TAFA5: variants seen among roughly 807,000 people sequenced by gnomAD.
The protein encoded by TAFA5 is TAFA chemokine like family member 5, also known as chemokine-like protein TAFA-5.
A neutral mutation model predicts 15.3 loss-of-function variants in TAFA5; 6 were observed. That is an observed-to-expected ratio of 0.39 (90% CI 0.21 to 0.77). The LOEUF is 0.77. Ranked by LOEUF, TAFA5 falls within the 30% of genes least tolerant of loss-of-function variation. The probability of loss-of-function intolerance (pLI) is 0.41; values close to 1 mark genes in which losing one functional copy is unlikely to be tolerated. For synonymous variants in TAFA5, 103 were observed against 80.7 expected (o/e 1.28, Z -1.48); for missense variants, 161 against 193.1 (o/e 0.83, Z 0.98).
intron 1 of TAFA5, among the ~76,000 whole-genome samples, chr22:48,619,933 G>A (rs528633320): frequency 3.9e-5 from 6 of 152,236 alleles, no homozygotes; most frequent in African/African-American, 1.4e-4. Flanking sequence ...GCTGAGTCCC[G>A]CGGGCCTGGG....
chr22:48,634,676 CTCAGTCAA>C (rs1271937683), intron 1 of TAFA5, among the ~76,000 whole-genome samples: 2 of 152,004 alleles, frequency 1.3e-5, no homozygotes, highest in Non-Finnish European at 2.9e-5. Context: ...CACTGAGTCA[CTCAGTCAA>C]TCACTCAGTC....
chr22:48,697,608 G>GTGATGATGATGGTGA (rs58645344), intron 2 of TAFA5, among the ~76,000 whole-genome samples: 26 of 137,264 alleles, frequency 1.9e-4, no homozygotes. Flanking sequence ...GATGGTGGTG[G>GTGATGATGATGGTGA]TGATGATGGT....
chr22:48,707,970 C>T, intron 3 of TAFA5, 126 bp downstream of exon 3: 1 of 1,290,822 alleles, frequency 7.7e-7, no homozygotes, highest in South Asian at 1.4e-5. Context: ...GCAGAGAGGC[C>T]AGGGCCCTGT....
At chr22:48,579,549 G>A (rs904666500) in intron 1 of TAFA5, among the ~76,000 whole-genome samples, 11 of 152,246 alleles carry the variant, frequency 7.2e-5, no homozygotes, top group African/African-American at 2.4e-4. Flanking sequence ...TCACGGAGAC[G>A]CGAGAGGGAA....
At chr22:48,496,876 G>C (rs138641239) in intron 1 of TAFA5, among the ~76,000 whole-genome samples, 175 of 152,304 alleles carry the variant, frequency 1.1e-3, no homozygotes, top group African/African-American at 3.9e-3. Context: ...AATGAATATA[G>C]GAAAGAAAAT....
chr22:48,508,859 C>T (rs1285206995), intron 1 of TAFA5, among the ~76,000 whole-genome samples: 1 of 152,128 alleles, frequency 6.6e-6, no homozygotes, highest in East Asian at 1.9e-4. Flanking sequence ...TTAACATCTG[C>T]AGTATATTAC....
chr22:48,538,711 C>G (rs1289949623), intron 1 of TAFA5, among the ~76,000 whole-genome samples: 2 of 152,190 alleles, frequency 1.3e-5, no homozygotes, highest in Admixed American at 1.3e-4. Flanking sequence ...CGTGGGAAAT[C>G]GCAGGACACC....
intron 1 of TAFA5, among the ~76,000 whole-genome samples, chr22:48,646,304 C>G (rs41280561): frequency 6.6e-6 from 1 of 152,136 alleles, no homozygotes; most frequent in South Asian, 2.1e-4. Context: ...CATTTCCGGG[C>G]GTGATAAAGA....
At chr22:48,493,306 A>G (rs1015049268) in intron 1 of TAFA5, among the ~76,000 whole-genome samples, 5 of 152,250 alleles carry the variant, frequency 3.3e-5, no homozygotes, top group Non-Finnish European at 5.9e-5. Flanking sequence ...AAATTTCCAA[A>G]TAAATCCCGT....
chr22:48,519,525 G>T (rs992282697), intron 1 of TAFA5, among the ~76,000 whole-genome samples: 5 of 152,170 alleles, frequency 3.3e-5, no homozygotes, highest in African/African-American at 9.7e-5. Context: ...GTGAAGGGGG[G>T]GATGCCCTCC....
intron 1 of TAFA5, among the ~76,000 whole-genome samples, chr22:48,571,945 T>C (rs1411943098): frequency 6.6e-6 from 1 of 152,168 alleles, no homozygotes. Flanking sequence ...CCCTAGACCT[T>C]AAAATGGTCC....
intron 1 of TAFA5, among the ~76,000 whole-genome samples, chr22:48,585,994 C>T (rs533744416): frequency 4.6e-5 from 7 of 152,360 alleles, no homozygotes; most frequent in African/African-American, 9.6e-5. Context: ...CCCAGCCTGG[C>T]GTTCTGGAGG....
intron 1 of TAFA5, among the ~76,000 whole-genome samples, chr22:48,553,316 T>C (rs982540271): frequency 1.3e-5 from 2 of 152,140 alleles, no homozygotes; most frequent in African/African-American, 4.8e-5. Flanking sequence ...GTGCCCTCCA[T>C]GTGCCCCCAC....
intron 3 of TAFA5, among the ~76,000 whole-genome samples, chr22:48,744,523 GC>G (rs1237559460): frequency 6.6e-6 from 1 of 152,168 alleles, no homozygotes; most frequent in Admixed American, 6.5e-5. Flanking sequence ...AAGTTGTAGA[GC>G]CCCCACTGAT....
intron 2 of TAFA5, among the ~76,000 whole-genome samples, chr22:48,666,982 T>C (rs1927638581): frequency 6.6e-6 from 1 of 151,986 alleles, no homozygotes; most frequent in South Asian, 2.1e-4. Flanking sequence ...GCTGCATAGG[T>C]GATTTCCAGA....
chr22:48,589,984 G>A (rs1347231319), intron 1 of TAFA5, among the ~76,000 whole-genome samples: 2 of 95,644 alleles, frequency 2.1e-5, no homozygotes, highest in East Asian at 3.6e-4. Flanking sequence ...GATTGCAGCC[G>A]ACGTGTGTGT....
At chr22:48,698,775 G>A (rs1185069494) in intron 2 of TAFA5, among the ~76,000 whole-genome samples, 7 of 56,764 alleles carry the variant, frequency 1.2e-4, no homozygotes, top group African/African-American at 2.0e-4. Flanking sequence ...GGTGCAGCCC[G>A]TCTGGGCTCT....
chr22:48,526,575 G>C (rs1195160341), intron 1 of TAFA5, among the ~76,000 whole-genome samples: 1 of 152,248 alleles, frequency 6.6e-6, no homozygotes, highest in Non-Finnish European at 1.5e-5. Context: ...CAGGGCGGCT[G>C]CTGGCCCCGG....
At chr22:48,585,627 A>G (rs111066990) in intron 1 of TAFA5, among the ~76,000 whole-genome samples, 2,294 of 151,148 alleles carry the variant, frequency 0.015, 61 homozygotes, top group African/African-American at 0.05. Flanking sequence ...CACCACACAC[A>G]CTAGACATCA....
Sources: gnomAD v4.1 joint callset for allele counts (sites outside exome capture counted in the v4.1 genomes callset) on GRCh38, gnomAD v4.1.1 for gene constraint, MANE v1.5 for transcripts, NCBI Gene and HGNC (gene_info 2026-07-23, HGNC 2026-07-21) for gene names.